Variants in NECTIN3 observed in about 807,000 individuals in gnomAD.
NECTIN3 encodes nectin-3.
A neutral mutation model predicts 49.4 loss-of-function variants in NECTIN3; 8 were observed. The observed-to-expected ratio is 0.16, with a 90% CI of 0.10 to 0.29. NECTIN3 has a LOEUF of 0.29. Ranked by LOEUF, NECTIN3 falls within the 10% of genes least tolerant of loss-of-function variation. The probability of loss-of-function intolerance (pLI) is 1.00; values close to 1 mark genes in which losing one functional copy is unlikely to be tolerated. For missense variants in NECTIN3, 581 were observed against 654.6 expected (o/e 0.89, Z 1.23); for synonymous variants, 277 against 241.1 (o/e 1.15, Z -1.38).
chr3:111,187,292 A>G (rs1338386641), intron 7 of NECTIN3, among the ~76,000 whole-genome samples: 7 of 152,172 alleles, frequency 4.6e-5, no homozygotes, highest in Admixed American at 3.3e-4. Flanking sequence ...AGTCCCAGCT[A>G]CTTGGGAGGC....
chr3:111,126,582 CAT>C (rs1351005099), intron 5 of NECTIN3, among the ~76,000 whole-genome samples: 5 of 152,066 alleles, frequency 3.3e-5, no homozygotes, highest in African/African-American at 1.2e-4. Context: ...GATGCCTGTA[CAT>C]ATAGTTAATT....
chr3:111,179,022 A>G (rs2035581784), intron 7 of NECTIN3, among the ~76,000 whole-genome samples: 1 of 152,218 alleles, frequency 6.6e-6, no homozygotes, highest in South Asian at 2.1e-4. Context: ...ACTTGGCTAT[A>G]TAGCTACCTG....
At chr3:111,124,305 A>G (rs1438282619) in intron 4 of NECTIN3, among the ~76,000 whole-genome samples, 2 of 152,124 alleles carry the variant, frequency 1.3e-5, no homozygotes, top group Admixed American at 6.5e-5. Context: ...ACAGTACTTC[A>G]TAGAGTTTTT....
At chr3:111,088,415 C>T (rs1204204603) in intron 1 of NECTIN3, among the ~76,000 whole-genome samples, 1 of 152,122 alleles carries the variant, frequency 6.6e-6, no homozygotes, top group African/African-American at 2.4e-5. Context: ...TACCCAGTCT[C>T]AGGTATTCCT....
At chr3:111,147,824 G>A (rs2034912291) in intron 7 of NECTIN3, among the ~76,000 whole-genome samples, 1 of 152,100 alleles carries the variant, frequency 6.6e-6, no homozygotes, top group African/African-American at 2.4e-5. Context: ...TTGACATACA[G>A]ATTTATTGTA....
At chr3:111,072,642 C>G in intron 1 of NECTIN3, 1 of 1,436,784 alleles carries the variant, frequency 7.0e-7, no homozygotes, top group Non-Finnish European at 9.4e-7. Flanking sequence ...GGCCTTCCAC[C>G]CTGGAGAAGG....
intron 1 of NECTIN3, among the ~76,000 whole-genome samples, chr3:111,074,497 A>G (rs2031036216): frequency 6.6e-6 from 1 of 152,030 alleles, no homozygotes; most frequent in Non-Finnish European, 1.5e-5. Context: ...ATATTTTGAT[A>G]TGTTTGATAT....
At chr3:111,128,293 T>A (rs1311655585) in intron 5 of NECTIN3, among the ~76,000 whole-genome samples, 2 of 148,220 alleles carry the variant, frequency 1.3e-5, no homozygotes, top group Non-Finnish European at 3.0e-5. Context: ...GCCCAGATCG[T>A]GCCATGGATG....
At position 111,134,069 on chromosome 3, in the gene NECTIN3, A is replaced by G. The variant is rs1218222582; in HGVS notation, c.1504A>G (p.Asn502Asp). 1 of 1,612,492 alleles carries G rather than the reference A, an allele frequency of 6.2e-7. No individual in the cohort carries two copies. The highest frequency in any genetic ancestry group is 1.3e-5 in the African/African-American group (1 of 74,894). ...TCAGTGGAACAATGTAGAAAATCTC[A>G]ATAGGTTTGAAAGACCAATGGATTA... The part of the protein sequence containing the change: ...KTQWNNVENL[N>D]RFERPMDYYE... Residue 502 changes from asparagine (N) to aspartate (D), a missense_variant, in exon 6 of 6, where the codon AAT becomes GAT. Asn to Asp is a conservative substitution (Grantham distance 23, BLOSUM62 1). Around this residue, in one of 3 missense-constraint regions of NECTIN3, gnomAD observed 238 missense variants for 244.9 expected, o/e 0.97. Transcript: ENST00000485303.
chr3:111,134,808 A>G lies in NECTIN3; in HGVS notation c.*593A>G. 2 of 981,426 alleles carry G rather than the reference A, an allele frequency of 2.0e-6. No individual in the cohort carries two copies. The highest frequency in any genetic ancestry group is 2.4e-6 in the Non-Finnish European group (2 of 826,402). The allele number at this position is 981,426 out of a possible 1,614,324, so 60.8% of individuals were successfully genotyped here. On this transcript the variant is annotated 3_prime_UTR_variant, in exon 6 of 6. Coordinates refer to ENST00000485303, the MANE Select transcript of NECTIN3 (RefSeq NM_015480.3). ...CCTCTGCATATTAATGAGCCTTGCC[A>G]TAATTACTGTAGAGTGGCTTTTCAA...
intron 7 of NECTIN3, among the ~76,000 whole-genome samples, chr3:111,151,682 T>G (rs188852223): frequency 6.6e-6 from 1 of 152,058 alleles, no homozygotes; most frequent in East Asian, 1.9e-4. Context: ...GTGTCAGCAC[T>G]GTTAACTATC....
chr3:111,085,071 A>G (rs1559767327), intron 1 of NECTIN3, among the ~76,000 whole-genome samples: 2 of 152,134 alleles, frequency 1.3e-5, no homozygotes, highest in Non-Finnish European at 1.5e-5. Flanking sequence ...CATTATTACA[A>G]TCTCTGATCT....
At chr3:111,094,687 C>G (rs1576090160) in intron 1 of NECTIN3, among the ~76,000 whole-genome samples, 1 of 152,280 alleles carries the variant, frequency 6.6e-6, no homozygotes, top group East Asian at 1.9e-4. Flanking sequence ...TCAGTTCCCT[C>G]AGGAACAAGT....
chr3:111,112,313 C>T lies in NECTIN3; in HGVS notation c.444C>T (p.Cys148=), dbSNP rs2033505420. ...IGFSDSGKYI[C]KAVTFPLGNA... Reference sequence around the variant, plus strand: ...TCTCTGATTCTGGAAAATACATCTGCAAAGCTGTTACATTCCCGCTTGGAA... The same window carrying T: ...TCTCTGATTCTGGAAAATACATCTGTAAAGCTGTTACATTCCCGCTTGGAA... Residue 148 remains cysteine (C), a synonymous_variant, in exon 2 of 6, where the codon TGC becomes TGT. Coordinates refer to ENST00000485303, the MANE Select transcript of NECTIN3 (RefSeq NM_015480.3). 2 of 1,613,540 alleles carry T rather than the reference C, an allele frequency of 1.2e-6. No homozygotes were observed. Among genetic ancestry groups the T allele is most frequent in the Non-Finnish European group, 1.7e-6 (2 of 1,179,662 alleles).
chr3:111,108,381 A>T (rs1392993751), intron 1 of NECTIN3, among the ~76,000 whole-genome samples: 1 of 152,054 alleles, frequency 6.6e-6, no homozygotes, highest in East Asian at 1.9e-4. Flanking sequence ...TTTAAAATAC[A>T]ATTTTGAACC....
chr3:111,130,307 C>T (rs944411596), intron 5 of NECTIN3, among the ~76,000 whole-genome samples: 3 of 149,842 alleles, frequency 2.0e-5, no homozygotes, highest in Admixed American at 6.7e-5. Flanking sequence ...ACTTTTCTAT[C>T]CAGAGTCTGT....
intron 5 of NECTIN3, among the ~76,000 whole-genome samples, chr3:111,127,252 C>G (rs2034199741): frequency 6.6e-6 from 1 of 152,094 alleles, no homozygotes; most frequent in Admixed American, 6.6e-5. Flanking sequence ...TTTGTGCTTG[C>G]TTAAGTGTTA....
intron 7 of NECTIN3, among the ~76,000 whole-genome samples, chr3:111,187,240 A>G (rs1420065858): frequency 6.6e-6 from 1 of 152,154 alleles, no homozygotes; most frequent in Admixed American, 6.5e-5. Flanking sequence ...TCTACAAAAA[A>G]TAAATTGAAA....
At chr3:111,111,244 T>G (rs1413773143) in intron 1 of NECTIN3, among the ~76,000 whole-genome samples, 1 of 152,170 alleles carries the variant, frequency 6.6e-6, no homozygotes, top group East Asian at 1.9e-4. Context: ...CATTGTAAGT[T>G]TTGCTCTATT....
Sources: allele counts gnomAD v4.1 joint callset (sites outside exome capture counted in the v4.1 genomes callset), GRCh38; gene constraint gnomAD v4.1.1; regional missense constraint gnomAD v4.1.1; transcripts MANE v1.5; gene names NCBI Gene and HGNC (gene_info 2026-07-23, HGNC 2026-07-21).